SRC: variants seen among roughly 807,000 people sequenced by gnomAD.
The protein encoded by SRC is proto-oncogene tyrosine-protein kinase Src.
A neutral mutation model predicts 62.9 loss-of-function variants in SRC; 13 were observed. That is an observed-to-expected ratio of 0.21 (90% CI 0.13 to 0.33). SRC has a LOEUF of 0.33. Among genes scored for constraint, SRC ranks in the 10% least tolerant of loss-of-function variants. The pLI, the probability that SRC is intolerant of heterozygous loss-of-function variation, is 1.00. For synonymous variants in SRC, 302 were observed against 317.5 expected (o/e 0.95, Z 0.52); for missense variants, 457 against 737.3 (o/e 0.62, Z 4.40).
intron 1 of SRC, among the ~76,000 whole-genome samples, chr20:37,355,170 G>A (rs1193892359): frequency 6.6e-6 from 1 of 152,132 alleles, no homozygotes; most frequent in African/African-American, 2.4e-5. Flanking sequence ...TTTGGGTGAT[G>A]CTGACTCCCC....
intron 1 of SRC, among the ~76,000 whole-genome samples, chr20:37,356,777 C>T (rs2069888816): frequency 6.6e-6 from 1 of 152,130 alleles, no homozygotes; most frequent in African/African-American, 2.4e-5. Flanking sequence ...ACCCCCTCTG[C>T]CCTCTTGAAC....
chr20:37,368,597 G>A (rs1341237271), intron 2 of SRC, among the ~76,000 whole-genome samples: 1 of 112,238 alleles, frequency 8.9e-6, no homozygotes, highest in Non-Finnish European at 1.7e-5. Context: ...CTGTCGCCCA[G>A]GCTGGAGTGC....
At position 37,384,544 on chromosome 20, in the gene SRC, G is replaced by T; in HGVS notation, c.250+141G>T. 1 of 917,766 alleles carries T rather than the reference G, an allele frequency of 1.1e-6. No homozygotes were observed. The highest frequency in any genetic ancestry group is 1.4e-6 in the Non-Finnish European group (1 of 709,456). 56.9% of individuals were successfully genotyped at this position (917,766 alleles called of 1,614,324 possible). A position where few individuals can be genotyped will look rare whatever the true frequency, so the allele number is the denominator to read the frequency against. The stretch of plus-strand genomic sequence containing the variant: ...GCGCCCCTGGGTGACTTGGGTGTCC[G>T]GGGGGTGGGGGGGCGGCCGTACACA... On this transcript the variant is annotated intron_variant, in intron 4 of 13. Coordinates refer to ENST00000373578, the MANE Select transcript of SRC (RefSeq NM_198291.3). The surrounding 1 kb of genome is among the most constrained non-coding windows in gnomAD (Gnocchi z 6.7).
chr20:37,385,843 G>C (rs1279349987), intron 4 of SRC, among the ~76,000 whole-genome samples: 1 of 152,202 alleles, frequency 6.6e-6, no homozygotes, highest in Non-Finnish European at 1.5e-5. Flanking sequence ...CCCGGGGACG[G>C]ACGCGGACAG....
rs6090599 is a variant in SRC at position 37,386,300 on chromosome 20, G to A, written c.350+126G>A. ...AGCCCAGGGCAGTGCGAAGCCCAGG[G>A]CAGTGTGGAGGCAGGCGCCTGCTGC... On this transcript the variant is annotated intron_variant, in intron 5 of 13. Coordinates refer to ENST00000373578, the MANE Select transcript of SRC (RefSeq NM_198291.3). 3.0e-3 allele frequency: 2,883 copies of A among 958,902 alleles called. 46 individuals are homozygous for A. The African/African-American group carries it at 0.042, about 14-fold the overall frequency. 59.4% of individuals were successfully genotyped at this position (958,902 alleles called of 1,614,324 possible).
chr20:37,399,517 T>A (rs1375094972), intron 9 of SRC, among the ~76,000 whole-genome samples: 1 of 151,706 alleles, frequency 6.6e-6, no homozygotes, highest in African/African-American at 2.4e-5. Context: ...TGGTCCCCTA[T>A]CTGTCTAGGC....
chr20:37,378,183 G>A (rs1419239136), intron 2 of SRC, among the ~76,000 whole-genome samples: 1 of 121,258 alleles, frequency 8.2e-6, no homozygotes, highest in Non-Finnish European at 1.6e-5. Flanking sequence ...TTTTTTTTGA[G>A]ACAGGGTCTC....
upstream of SRC, among the ~76,000 whole-genome samples, chr20:37,345,115 C>A (rs2069699642): frequency 6.6e-6 from 1 of 152,132 alleles, no homozygotes; most frequent in Non-Finnish European, 1.5e-5. Context: ...CCTGTCTGGG[C>A]CTTAATTTCC....
chr20:37,399,747 T>C (rs986732870), intron 9 of SRC, among the ~76,000 whole-genome samples: 1 of 152,294 alleles, frequency 6.6e-6, no homozygotes, highest in East Asian at 1.9e-4. Flanking sequence ...GGTTTCACCA[T>C]GTTGGCCAGG....
chr20:37,394,907 C>T (rs2070616632), intron 7 of SRC, among the ~76,000 whole-genome samples: 1 of 152,060 alleles, frequency 6.6e-6, no homozygotes, highest in Non-Finnish European at 1.5e-5. Flanking sequence ...GCTGTGTGTA[C>T]ATCTGGGCGT....
chr20:37,398,907 G>C lies in SRC; in HGVS notation c.859+1053G>C, dbSNP rs963534869. On this transcript the variant is annotated intron_variant, in intron 9 of 13. Transcript: ENST00000373578. This position sits in a 1 kb window ranked among gnomAD's most constrained non-coding sequence, Gnocchi z 5.2. ...TGAGCCAGCAGGGCCACAGAGATTG[G>C]CCTGAGCCCCAACCCTCGGACGGAG... 3.9e-5 allele frequency among the ~76,000 whole-genome samples: 6 copies of C among 152,226 alleles called. No individual in the cohort carries two copies. The highest frequency in any genetic ancestry group is 1.4e-4 in the African/African-American group (6 of 41,460).
At chr20:37,391,316 G>A (rs529782190) in intron 5 of SRC, among the ~76,000 whole-genome samples, 1 of 152,170 alleles carries the variant, frequency 6.6e-6, no homozygotes, top group South Asian at 2.1e-4. Flanking sequence ...TGGGGCCTGG[G>A]GAGGCCCTAC....
chr20:37,403,974 C>T lies in SRC; in HGVS notation c.*595C>T, dbSNP rs2070784201. On this transcript the variant is annotated 3_prime_UTR_variant, in exon 14 of 14. Coordinates refer to ENST00000373578, the MANE Select transcript of SRC (RefSeq NM_198291.3). This position sits in a 1 kb window ranked among gnomAD's most constrained non-coding sequence, Gnocchi z 7.1. Reference sequence around the variant, plus strand: ...ATGGTGGGTGGGTGGGATGAGTACCCCCTCAAACCCTGCCCTCCTTAGACC... The same window carrying T: ...ATGGTGGGTGGGTGGGATGAGTACCTCCTCAAACCCTGCCCTCCTTAGACC... The T allele has an allele frequency of 8.4e-6, 2 of 237,584 alleles. No homozygotes were observed. Among genetic ancestry groups the T allele is most frequent in the African/African-American group, 2.2e-5 (1 of 45,362 alleles). 14.7% of individuals were successfully genotyped at this position (237,584 alleles called of 1,614,324 possible).
intron 1 of SRC, among the ~76,000 whole-genome samples, chr20:37,364,439 G>A (rs1169890136): frequency 2.0e-5 from 3 of 152,172 alleles, no homozygotes; most frequent in Non-Finnish European, 2.9e-5. Context: ...AGGACCAACT[G>A]TCCCTCCTCC....
In SRC at chr20:37,384,324, G is replaced by T; in HGVS notation, c.171G>T (p.Ala57=). Residue 57 remains alanine, a synonymous_variant, in exon 4 of 14, where the codon GCG becomes GCT. Transcript: ENST00000373578. The surrounding 1 kb of genome is among the most constrained non-coding windows in gnomAD (Gnocchi z 6.7). ...GCCCCAGCGCGGCCTTCGCCCCCGC[G>T]GCCGCCGAGCCCAAGCTGTTCGGAG... is the stretch of plus-strand genomic sequence containing the variant. ...HRGPSAAFAP[A]AAEPKLFGGF... The T allele has an allele frequency of 1.4e-6, 2 of 1,466,022 alleles. No individual in the cohort carries two copies. Among genetic ancestry groups the T allele is most frequent in the Non-Finnish European group, 9.0e-7 (1 of 1,114,264 alleles). The allele number at this position is 1,466,022 out of a possible 1,614,324, so 90.8% of individuals were successfully genotyped here.
chr20:37,348,404 C>T (rs2069753342), intron 1 of SRC, among the ~76,000 whole-genome samples: 2 of 152,160 alleles, frequency 1.3e-5, no homozygotes, highest in Non-Finnish European at 2.9e-5. Flanking sequence ...CTCAGCTGAC[C>T]CCATTTTCTC....
At chr20:37,349,448 C>T (rs987231589) in intron 1 of SRC, among the ~76,000 whole-genome samples, 3 of 152,174 alleles carry the variant, frequency 2.0e-5, no homozygotes, top group African/African-American at 7.2e-5. Context: ...TCTGACCGTC[C>T]CACTTGCTGT....
At position 37,389,621 on chromosome 20, in the gene SRC, C is replaced by A. The variant is rs570033181; in HGVS notation, c.350+3447C>A. Among the ~76,000 whole-genome samples, 7 of 152,282 alleles carry A rather than the reference C, an allele frequency of 4.6e-5. No individual in the cohort carries two copies. In the South Asian group the frequency reaches 1.5e-3, roughly 32 times the overall value. ...AGCGGCCATCCCCAGAGTGCCCTCC[C>A]AACCAGTCCCAGCAGCCCAAGGGAG... On this transcript the variant is annotated intron_variant, in intron 5 of 13. Coordinates refer to ENST00000373578, the MANE Select transcript of SRC (RefSeq NM_198291.3).
chr20:37,403,653 G>C lies in SRC; in HGVS notation c.*274G>C, dbSNP rs990809783. The C allele has an allele frequency of 2.0e-6, 1 of 501,634 alleles. No individual in the cohort carries two copies. Among genetic ancestry groups the C allele is most frequent in the East Asian group, 3.2e-5 (1 of 31,556 alleles). 31.1% of individuals were successfully genotyped at this position (501,634 alleles called of 1,614,324 possible). On this transcript the variant is annotated 3_prime_UTR_variant, in exon 14 of 14. Transcript: ENST00000373578. The surrounding 1 kb of genome is among the most constrained non-coding windows in gnomAD (Gnocchi z 7.1). ...CCTGCACTCCCTCCTGGAGCTCTGTGGGTCTCTGGAAGAGGAACCAGGAGA... is the reference window on the plus strand; with the variant it reads ...CCTGCACTCCCTCCTGGAGCTCTGTCGGTCTCTGGAAGAGGAACCAGGAGA...
Sources: gnomAD v4.1 joint callset for allele counts (sites outside exome capture counted in the v4.1 genomes callset) on GRCh38, gnomAD v4.1.1 for gene constraint, Gnocchi (gnomAD v3.1) non-coding constraint, MANE v1.5 for transcripts, NCBI Gene and HGNC (gene_info 2026-07-23, HGNC 2026-07-21) for gene names.